PAK3: variants seen among roughly 807,000 people sequenced by gnomAD.
PAK3 encodes the protein p21 (RAC1) activated kinase 3.
PAK3 carries 4 observed loss-of-function variants against 41.0 expected under a neutral mutation model. The observed-to-expected ratio is 0.10, with a 90% CI of 0.05 to 0.22. PAK3 has a LOEUF of 0.22. Among genes scored for constraint, PAK3 ranks in the 10% least tolerant of loss-of-function variants. The probability of loss-of-function intolerance (pLI) is 1.00; values close to 1 mark genes in which losing one functional copy is unlikely to be tolerated. For missense variants in PAK3, 205 were observed against 409.9 expected (o/e 0.50, Z 4.32); for synonymous variants, 146 against 139.6 (o/e 1.05, Z -0.32).
chrX:110,994,174 T>A (rs767727492), intron 1 of PAK3, among the ~76,000 whole-genome samples: 69 of 112,307 alleles, frequency 6.1e-4, no homozygotes, highest in Admixed American at 2.4e-3. Flanking sequence ...CGATGAGATG[T>A]TGTGCTAGAT....
At chrX:111,096,764 C>T (rs1335871029) in intron 1 of PAK3, 1 of 85,406 alleles carries the variant, frequency 1.2e-5, no homozygotes, top group Non-Finnish European at 2.3e-5. Flanking sequence ...ACCCCCCCGC[C>T]CGCCCCCCTA....
At chrX:111,028,034 T>TATATATAC (rs2092297434) in intron 1 of PAK3, among the ~76,000 whole-genome samples, 3 of 105,323 alleles carry the variant, frequency 2.8e-5, no homozygotes, top group African/African-American at 1.0e-4. Context: ...TATGTGTGTA[T>TATATATAC]ATATATATAC....
chrX:111,023,146 G>T (rs758173842), intron 1 of PAK3, among the ~76,000 whole-genome samples: 4 of 111,265 alleles, frequency 3.6e-5, no homozygotes, highest in Admixed American at 2.9e-4. Context: ...ACGGTGTTTG[G>T]TTTTCTCATC....
intron 10 of PAK3, among the ~76,000 whole-genome samples, chrX:111,170,093 G>C (rs2094317015): frequency 2.7e-5 from 3 of 110,917 alleles, no homozygotes; most frequent in Non-Finnish European, 5.7e-5. Context: ...GGAAAAAGAT[G>C]ATGGGAGCCC....
At chrX:111,035,959 C>T (rs895481820) in intron 1 of PAK3, among the ~76,000 whole-genome samples, 4 of 112,281 alleles carry the variant, frequency 3.6e-5, no homozygotes, top group African/African-American at 1.3e-4. Flanking sequence ...TTTCACAAAG[C>T]TAAACAAGCT....
intron 1 of PAK3, among the ~76,000 whole-genome samples, chrX:111,084,991 G>C (rs1324801469): frequency 1.8e-5 from 2 of 111,630 alleles, no homozygotes; most frequent in Non-Finnish European, 3.8e-5. Flanking sequence ...TGGGCTCTCA[G>C]TTCACCCAAA....
chrX:111,073,009 C>T (rs777101353), intron 1 of PAK3, among the ~76,000 whole-genome samples: 37 of 111,635 alleles, frequency 3.3e-4, no homozygotes, highest in Non-Finnish European at 5.5e-4. Context: ...GAGGGCAGCA[C>T]CATTTAAGCC....
intron 1 of PAK3, among the ~76,000 whole-genome samples, chrX:110,964,324 C>T (rs2091039177): frequency 1.8e-5 from 2 of 112,175 alleles, no homozygotes; most frequent in Non-Finnish European, 3.8e-5. Context: ...ACATCTAAAA[C>T]TCTAATTCGT....
intron 11 of PAK3, among the ~76,000 whole-genome samples, chrX:111,191,112 C>G (rs1487307413): frequency 2.7e-5 from 3 of 111,824 alleles, no homozygotes; most frequent in Non-Finnish European, 5.6e-5. Context: ...GAGACATGGA[C>G]TGGCTCATTA....
intron 11 of PAK3, among the ~76,000 whole-genome samples, chrX:111,181,691 A>G (rs1448286535): frequency 9.0e-6 from 1 of 110,525 alleles, no homozygotes; most frequent in Non-Finnish European, 1.9e-5. Flanking sequence ...CTGACAAAGC[A>G]GTGTATGCCA....
chrX:110,967,883 T>C (rs377440303), intron 1 of PAK3, among the ~76,000 whole-genome samples: 20 of 111,736 alleles, frequency 1.8e-4, no homozygotes, highest in African/African-American at 4.9e-4. Context: ...TGTCAGTTCA[T>C]CTCATGTGTG....
chrX:111,119,303 A>G (rs962359487), intron 4 of PAK3, among the ~76,000 whole-genome samples: 1 of 112,007 alleles, frequency 8.9e-6, no homozygotes, highest in African/African-American at 3.2e-5. Flanking sequence ...ATCTCTGAAA[A>G]ACCTAGTAGT....
At chrX:111,117,541 A>G (rs2093487846) in intron 4 of PAK3, among the ~76,000 whole-genome samples, 1 of 111,850 alleles carries the variant, frequency 8.9e-6, no homozygotes, top group African/African-American at 3.2e-5. Context: ...GGTGTTGGTA[A>G]TCAGATGGTA....
At chrX:111,031,583 T>C (rs1274371203) in intron 1 of PAK3, among the ~76,000 whole-genome samples, 3 of 111,671 alleles carry the variant, frequency 2.7e-5, no homozygotes, top group South Asian at 3.8e-4. Flanking sequence ...ATTGTGTACT[T>C]GTTGTTTCTT....
intron 1 of PAK3, among the ~76,000 whole-genome samples, chrX:111,037,440 T>A (rs2092411699): frequency 9.0e-6 from 1 of 111,688 alleles, no homozygotes; most frequent in Non-Finnish European, 1.9e-5. Context: ...TCCTTGTTCA[T>A]TCAAAAAGTG....
At chrX:111,209,368 T>C (rs111876019) in intron 16 of PAK3, among the ~76,000 whole-genome samples, 15,183 of 111,800 alleles carry the variant, frequency 0.14, 2,433 homozygotes, top group African/African-American at 0.45. Context: ...CTAAAATAAA[T>C]TTCAAGGGTT....
chrX:111,043,154 T>G (rs1167435844), intron 1 of PAK3, among the ~76,000 whole-genome samples: 1 of 109,993 alleles, frequency 9.1e-6, no homozygotes, highest in Non-Finnish European at 1.9e-5. Flanking sequence ...ATTAGCCAGG[T>G]GTGATGGCAC....
intron 1 of PAK3, among the ~76,000 whole-genome samples, chrX:110,987,289 C>T (rs776722809): frequency 1.8e-5 from 2 of 112,643 alleles, no homozygotes; most frequent in Non-Finnish European, 3.7e-5. Context: ...CTCAGCACAG[C>T]CTTGTGGAAG....
intron 1 of PAK3, among the ~76,000 whole-genome samples, chrX:110,992,071 G>T (rs1474319212): frequency 9.0e-6 from 1 of 111,288 alleles, no homozygotes; most frequent in African/African-American, 3.3e-5. Context: ...GGGTTGGAGA[G>T]TGAACCCTGC....
Sources: allele counts gnomAD v4.1 joint callset (sites outside exome capture counted in the v4.1 genomes callset), GRCh38; gene constraint gnomAD v4.1.1; transcripts MANE v1.5; gene names NCBI Gene and HGNC (gene_info 2026-07-23, HGNC 2026-07-21).